Variants in PTK2 observed in about 807,000 individuals in gnomAD.
PTK2 encodes the protein focal adhesion kinase 1.
In PTK2, 45 loss-of-function variants were observed where a neutral mutation model predicts 150.1. The observed-to-expected ratio is 0.30, with a 90% CI of 0.24 to 0.38. The LOEUF is 0.38. Among genes scored for constraint, PTK2 ranks in the 10% least tolerant of loss-of-function variants. PTK2 has a pLI of 1.00. For missense variants in PTK2, 919 were observed against 1,307.3 expected (o/e 0.70, Z 4.58); for synonymous variants, 432 against 449.2 (o/e 0.96, Z 0.48).
At chr8:140,839,697 CAG>C (rs968951833) in intron 7 of PTK2, among the ~76,000 whole-genome samples, 5 of 151,762 alleles carry the variant, frequency 3.3e-5, no homozygotes, top group Non-Finnish European at 7.4e-5. Context: ...AGAGAGAATC[CAG>C]AGAGACAGAG....
chr8:140,727,590 CACAGTAGT>C (rs1352720995), intron 22 of PTK2, among the ~76,000 whole-genome samples: 1 of 150,424 alleles, frequency 6.6e-6, no homozygotes, highest in Non-Finnish European at 1.5e-5. Flanking sequence ...TTAAAAAAAA[CACAGTAGT>C]ACAAGCAATT....
At chr8:140,750,141 A>G (rs1271600369) in intron 17 of PTK2, 1 of 152,182 alleles carries the variant, frequency 6.6e-6, no homozygotes, top group East Asian at 1.9e-4. Context: ...CTTAAGTCAA[A>G]GTTTCAGGAA....
intron 1 of PTK2, among the ~76,000 whole-genome samples, chr8:140,986,219 C>T (rs1451674086): frequency 2.0e-5 from 3 of 152,168 alleles, no homozygotes; most frequent in Admixed American, 6.5e-5. Context: ...CTTTCAACTT[C>T]GCTTAACTGT....
rs368315173 is a variant in PTK2 at position 140,868,822 on chromosome 8, G to A, written c.363-4423C>T. Among the ~76,000 whole-genome samples the A allele has an allele frequency of 1.1e-4, 16 of 152,252 alleles. No individual in the cohort carries two copies. The East Asian group carries it at 3.1e-3, about 29-fold the overall frequency. On this transcript the variant is annotated intron_variant, in intron 4 of 31. Transcript: ENST00000522684. ...TCTCAGATTAGAGAAGACTTAAGGA[G>A]ACATGACCGTAATGTGGTATTCTGA...
intron 18 of PTK2, among the ~76,000 whole-genome samples, chr8:140,745,694 A>G (rs1172690637): frequency 1.3e-5 from 2 of 152,120 alleles, no homozygotes; most frequent in Non-Finnish European, 2.9e-5. Flanking sequence ...TCACTCAATT[A>G]CTCACATTTT....
intron 1 of PTK2, among the ~76,000 whole-genome samples, chr8:140,987,971 G>C (rs1317503648): frequency 6.6e-6 from 1 of 151,780 alleles, no homozygotes; most frequent in Non-Finnish European, 1.5e-5. Context: ...CTTGAGCCTG[G>C]GAGGTTGAGG....
intron 22 of PTK2, chr8:140,717,998 T>C (rs2100040737): frequency 1.6e-5 from 5 of 317,542 alleles, no homozygotes; most frequent in Admixed American, 1.2e-4. Context: ...CAAGATGAAA[T>C]GTTTGCATGC....
Position 140,984,430 on chromosome 8 carries a change from T to A in PTK2, c.-122+16695A>T, listed in dbSNP as rs116586084. Among the ~76,000 whole-genome samples the A allele has an allele frequency of 7.4e-3, 1,128 of 152,230 alleles. 12 individuals carry two copies. Among genetic ancestry groups the A allele is most frequent in the African/African-American group, 0.025 (1,043 of 41,540 alleles). ...GGTCCACAGACCACCAGCCCTGGCA[T>A]CACCTGGGAACTTAGGAAAAATGCA... On this transcript the variant is annotated intron_variant, in intron 1 of 31. Coordinates refer to ENST00000522684, the Ensembl canonical transcript of PTK2.
intron 23 of PTK2, among the ~76,000 whole-genome samples, chr8:140,710,968 C>T (rs1300167292): frequency 6.6e-6 from 1 of 152,318 alleles, no homozygotes; most frequent in Admixed American, 6.5e-5. Flanking sequence ...GAGACAGTCA[C>T]GCTCTGTCGC....
At chr8:140,935,651 T>A (rs1347578904) in intron 1 of PTK2, among the ~76,000 whole-genome samples, 1 of 149,612 alleles carries the variant, frequency 6.7e-6, no homozygotes, top group African/African-American at 2.4e-5. Flanking sequence ...AAATGAAAGT[T>A]TTTTTCCTAA....
intron 27 of PTK2, among the ~76,000 whole-genome samples, chr8:140,685,081 A>G (rs942290907): frequency 6.6e-6 from 1 of 152,216 alleles, no homozygotes; most frequent in African/African-American, 2.4e-5. Context: ...GAGCCTAGAA[A>G]TAAAACTTCA....
chr8:140,748,232 G>A (rs941747333), intron 17 of PTK2, among the ~76,000 whole-genome samples: 7 of 152,116 alleles, frequency 4.6e-5, no homozygotes, highest in Admixed American at 1.3e-4. Flanking sequence ...GGTGGCTCAC[G>A]CCTGTAATCC....
intron 2 of PTK2, among the ~76,000 whole-genome samples, chr8:140,895,599 C>G (rs1421919083): frequency 3.3e-5 from 5 of 151,906 alleles, no homozygotes; most frequent in South Asian, 2.1e-4. Flanking sequence ...GAATACACAT[C>G]TGTGAAGGGG....
exon 29 of PTK2, chr8:140,674,360 C>G (rs140371105): frequency 1.2e-6 from 2 of 1,607,238 alleles, no homozygotes; most frequent in Non-Finnish European, 1.7e-6. Context: ...CCCAGATGAC[C>G]GGGAGCTCCA....
intron 1 of PTK2, among the ~76,000 whole-genome samples, chr8:140,990,594 T>C (rs1034766201): frequency 5.9e-5 from 9 of 152,158 alleles, no homozygotes; most frequent in African/African-American, 2.2e-4. Context: ...CACCATCTCA[T>C]TTCTATTATT....
intron 22 of PTK2, among the ~76,000 whole-genome samples, chr8:140,729,588 A>T (rs933671565): frequency 6.6e-6 from 1 of 152,270 alleles, no homozygotes; most frequent in Non-Finnish European, 1.5e-5. Flanking sequence ...TGATGCTGCC[A>T]TTCCTTTTAA....
At chr8:140,693,640 C>T (rs2153913396) in intron 26 of PTK2, among the ~76,000 whole-genome samples, 1 of 142,026 alleles carries the variant, frequency 7.0e-6, no homozygotes, top group Middle Eastern at 4.0e-3. Context: ...TGCTGTGGGG[C>T]CATGTGACCT....
chr8:140,820,272 T>C (rs879791237), intron 8 of PTK2, among the ~76,000 whole-genome samples: 4 of 151,366 alleles, frequency 2.6e-5, no homozygotes, highest in Non-Finnish European at 5.9e-5. Context: ...GGCTAATTTT[T>C]GTATATTTAG....
At chr8:140,814,999 C>T (rs1359940586) in intron 10 of PTK2, among the ~76,000 whole-genome samples, 1 of 152,126 alleles carries the variant, frequency 6.6e-6, no homozygotes, top group Non-Finnish European at 1.5e-5. Flanking sequence ...TGGTCTCCAT[C>T]TCCTGACCTC....
Sources: gnomAD v4.1 joint callset for allele counts (sites outside exome capture counted in the v4.1 genomes callset) on GRCh38, gnomAD v4.1.1 for gene constraint, MANE v1.5 for transcripts, NCBI Gene and HGNC (gene_info 2026-07-23, HGNC 2026-07-21) for gene names.